SLC2A1: variants seen among roughly 807,000 people sequenced by gnomAD.
The protein encoded by SLC2A1 is solute carrier family 2, facilitated glucose transporter member 1.
A neutral mutation model predicts 46.6 loss-of-function variants in SLC2A1; 4 were observed. The ratio of observed to expected loss-of-function variants is 0.09; its 90% CI spans 0.04 to 0.20. SLC2A1 has a LOEUF of 0.20. Ranked by LOEUF, SLC2A1 falls within the 10% of genes least tolerant of loss-of-function variation. SLC2A1 has a pLI of 1.00. For synonymous variants in SLC2A1, 253 were observed against 270.0 expected (o/e 0.94, Z 0.62); for missense variants, 352 against 667.0 (o/e 0.53, Z 5.20).
chr1:42,934,667 C>G (rs1417294787), intron 2 of SLC2A1, among the ~76,000 whole-genome samples: 3 of 152,102 alleles, frequency 2.0e-5, no homozygotes, highest in Non-Finnish European at 4.4e-5. Flanking sequence ...GACAGGATCC[C>G]ACAGGCCCAA....
chr1:42,929,270 C>A lies in SLC2A1; in HGVS notation c.912G>T (p.Gln304His), dbSNP rs1643461089. ...STSIFEKAGVQQPVYATIGSG... is the reference protein window; with the variant it reads ...STSIFEKAGVHQPVYATIGSG... Reference sequence around the variant, plus strand: ...AGCCAATGGTGGCATACACAGGCTGCTGCACCCCCGCCTTCTCGAAGATGC... The same window carrying A: ...AGCCAATGGTGGCATACACAGGCTGATGCACCCCCGCCTTCTCGAAGATGC... The change falls in exon 7 of 10, where the codon CAG becomes CAT. Residue 304 changes from glutamine to histidine, a missense_variant. By Grantham distance (24) the Gln-to-His change is conservative (BLOSUM62 0). Transcript: ENST00000426263. This position sits in a 1 kb window ranked among gnomAD's most constrained non-coding sequence, Gnocchi z 6.0. The A allele has an allele frequency of 6.2e-7, 1 of 1,613,904 alleles. No individual in the cohort carries two copies. Among genetic ancestry groups the A allele is most frequent in the Non-Finnish European group, 8.5e-7 (1 of 1,179,974 alleles).
At position 42,930,901 on chromosome 1, in the gene SLC2A1, C is replaced by T; in HGVS notation, c.276-35G>A. ...GGGTCACAGGTCAGGCCAGTGCCCA[C>T]ATTCCTTGGGCTCCGAGGGGCTGGG... On this transcript the variant is annotated intron_variant, in intron 3 of 9. Transcript: ENST00000426263. This position sits in a 1 kb window ranked among gnomAD's most constrained non-coding sequence, Gnocchi z 6.2. 2 of 1,602,818 alleles carry T rather than the reference C, an allele frequency of 1.2e-6. No individual in the cohort carries two copies. Among genetic ancestry groups the T allele is most frequent in the Non-Finnish European group, 1.7e-6 (2 of 1,179,866 alleles).
chr1:42,952,332 C>T (rs753558837), intron 1 of SLC2A1: 2 of 465,056 alleles, frequency 4.3e-6, no homozygotes, highest in East Asian at 1.3e-4. Context: ...GATGACATAG[C>T]TGGCTGCCGG....
chr1:42,950,899 C>T (rs572401854), intron 1 of SLC2A1, among the ~76,000 whole-genome samples: 95 of 152,196 alleles, frequency 6.2e-4, no homozygotes, highest in African/African-American at 2.3e-3. Flanking sequence ...CACTTGAACC[C>T]GGGAGGCAGA....
At chr1:42,936,120 A>G (rs1643539998) in intron 2 of SLC2A1, among the ~76,000 whole-genome samples, 1 of 151,996 alleles carries the variant, frequency 6.6e-6, no homozygotes, top group Non-Finnish European at 1.5e-5. Context: ...TTCCCTCTAG[A>G]CATTCCTTTA....
chr1:42,932,165 C>T (rs957589065), intron 2 of SLC2A1, among the ~76,000 whole-genome samples: 2 of 152,156 alleles, frequency 1.3e-5, no homozygotes, highest in Non-Finnish European at 2.9e-5. Flanking sequence ...GCCTCCTCCC[C>T]TCTCCCAAGG....
chr1:42,930,288 GCTGCTACT>G lies in SLC2A1; in HGVS notation c.517-261_517-254del. On this transcript the variant is annotated intron_variant, in intron 4 of 9. Coordinates refer to ENST00000426263, the MANE Select transcript of SLC2A1 (RefSeq NM_006516.4). The surrounding 1 kb of genome is among the most constrained non-coding windows in gnomAD (Gnocchi z 6.2). ...GATGTGTCCAGCACAGAGAATGGGG[GCTGCTACT>G]CTGCCACAAGAGGGTTTTGGGGACA... The G allele has an allele frequency of 3.2e-6, 2 of 624,108 alleles. No homozygotes were observed. The highest frequency in any genetic ancestry group is 5.7e-6 in the Non-Finnish European group (2 of 349,552). 38.7% of individuals were successfully genotyped at this position (624,108 alleles called of 1,614,324 possible).
Position 42,929,620 on chromosome 1 carries a change from C to T in SLC2A1, c.840G>A (p.Leu280=), listed in dbSNP as rs1643465511. 2 of 1,613,628 alleles carry T rather than the reference C, an allele frequency of 1.2e-6. No homozygotes were observed. Among genetic ancestry groups the T allele is most frequent in the African/African-American group, 2.7e-5 (2 of 74,930 alleles). ...QPILIAVVLQ[L]SQQLSGINAV... Reference sequence around the variant, plus strand: ...CGTTGATGCCAGACAGCTGCTGGGACAGCTGCAGCACCACAGCGATGAGGA... The same window carrying T: ...CGTTGATGCCAGACAGCTGCTGGGATAGCTGCAGCACCACAGCGATGAGGA... The change falls in exon 6 of 10, where the codon CTG becomes CTA. Residue 280 remains leucine, a synonymous_variant. Coordinates refer to ENST00000426263, the MANE Select transcript of SLC2A1 (RefSeq NM_006516.4). The surrounding 1 kb of genome is among the most constrained non-coding windows in gnomAD (Gnocchi z 6.0).
intron 2 of SLC2A1, among the ~76,000 whole-genome samples, chr1:42,942,632 G>A (rs1409755888): frequency 1.3e-5 from 2 of 151,934 alleles, no homozygotes; most frequent in Admixed American, 6.6e-5. Context: ...GGGAGAGGAC[G>A]CGGTTTCAAC....
intron 2 of SLC2A1, among the ~76,000 whole-genome samples, chr1:42,937,772 G>A (rs1643556441): frequency 6.6e-6 from 1 of 152,160 alleles, no homozygotes; most frequent in South Asian, 2.1e-4. Context: ...TAGTGGTGAC[G>A]GGTGAAGGGG....
chr1:42,955,810 C>G (rs558447144), intron 1 of SLC2A1, among the ~76,000 whole-genome samples: 16 of 152,264 alleles, frequency 1.1e-4, no homozygotes, highest in African/African-American at 3.4e-4. Flanking sequence ...CAGGAGAGAT[C>G]GTGGGCGAAC....
At chr1:42,943,385 C>G in intron 1 of SLC2A1, 64 bp from the exon 2 acceptor site, 1 of 1,186,438 alleles carries the variant, frequency 8.4e-7, no homozygotes, top group Non-Finnish European at 1.2e-6. Flanking sequence ...AGGGCAGGGC[C>G]TGGACTGGCA....
In SLC2A1 at chr1:42,927,074, C is replaced by G. The variant is rs794726996; in HGVS notation, c.1446G>C (p.Leu482=). Residue 482 remains leucine (L), a synonymous_variant, in exon 10 of 10, where the codon CTG becomes CTC. Transcript: ENST00000426263. The surrounding 1 kb of genome is among the most constrained non-coding windows in gnomAD (Gnocchi z 5.3). The part of the protein sequence containing the change: ...ASQSDKTPEE[L]FHPLGADSQV The stretch of plus-strand genomic sequence containing the variant: ...GGGAATCAGCCCCCAGGGGATGGAA[C>G]AGCTCCTCGGGTGTCTTGTCACTTT... 1.1e-5 allele frequency: 18 copies of G among 1,614,062 alleles called. No homozygotes were observed. Among genetic ancestry groups the G allele is most frequent in the Non-Finnish European group, 1.5e-5 (18 of 1,180,028 alleles).
At position 42,926,859 on chromosome 1, in the gene SLC2A1, T is replaced by C. The variant is rs1643431852; in HGVS notation, c.*182A>G. ...GATTTGAGCAACAGTCTTGCTTTTG[T>C]TAAAATCCTGGAGCCGTTAAGTCCT... On this transcript the variant is annotated 3_prime_UTR_variant, in exon 10 of 10. Coordinates refer to ENST00000426263, the MANE Select transcript of SLC2A1 (RefSeq NM_006516.4). The C allele has an allele frequency of 2.0e-6, 3 of 1,468,284 alleles. No individual in the cohort carries two copies. The highest frequency in any genetic ancestry group is 2.7e-5 in the South Asian group (2 of 72,966). The allele number at this position is 1,468,284 out of a possible 1,614,324, so 91.0% of individuals were successfully genotyped here. A position where few individuals can be genotyped will look rare whatever the true frequency, so the allele number is the denominator to read the frequency against.
At chr1:42,956,426 AAAAAAAACAT>A (rs1557655779) in intron 1 of SLC2A1, among the ~76,000 whole-genome samples, 1 of 89,078 alleles carries the variant, frequency 1.1e-5, no homozygotes, top group African/African-American at 4.4e-5. Flanking sequence ...AAAAAAAAAA[AAAAAAAACAT>A]TAGCTGGGTG....
chr1:42,953,289 G>A (rs1643740307), intron 1 of SLC2A1, among the ~76,000 whole-genome samples: 2 of 152,246 alleles, frequency 1.3e-5, no homozygotes, highest in African/African-American at 4.8e-5. Context: ...CAAGGCCTGG[G>A]AGCCCTGCTC....
At chr1:42,953,316 T>A (rs1001686424) in intron 1 of SLC2A1, among the ~76,000 whole-genome samples, 1 of 152,230 alleles carries the variant, frequency 6.6e-6, no homozygotes, top group African/African-American at 2.4e-5. Flanking sequence ...TGCAAAACCC[T>A]AATGTTTATG....
At chr1:42,948,825 G>A (rs529276887) in intron 1 of SLC2A1, among the ~76,000 whole-genome samples, 1 of 152,198 alleles carries the variant, frequency 6.6e-6, no homozygotes, top group African/African-American at 2.4e-5. Context: ...CAGCACTTTG[G>A]GAGGCAAGGC....
chr1:42,953,928 T>C (rs1643748688), intron 1 of SLC2A1, among the ~76,000 whole-genome samples: 1 of 152,080 alleles, frequency 6.6e-6, no homozygotes, highest in South Asian at 2.1e-4. Context: ...AATAGCCACT[T>C]CTCTAATTTA....
Sources: gnomAD v4.1 joint callset for allele counts (sites outside exome capture counted in the v4.1 genomes callset) on GRCh38, gnomAD v4.1.1 for gene constraint, Gnocchi (gnomAD v3.1) non-coding constraint, MANE v1.5 for transcripts, NCBI Gene and HGNC (gene_info 2026-07-23, HGNC 2026-07-21) for gene names.